Variants in MAML2 observed in about 807,000 individuals in gnomAD.
MAML2 encodes the protein mastermind like transcriptional coactivator 2.
A neutral mutation model predicts 96.1 loss-of-function variants in MAML2; 22 were observed. The observed-to-expected ratio is 0.23, with a 90% CI of 0.16 to 0.33. The LOEUF (loss-of-function observed/expected upper bound fraction) is 0.33, where lower values mean the gene tolerates loss of function less well. Ranked by LOEUF, MAML2 falls within the 10% of genes least tolerant of loss-of-function variation. The pLI is 1.00. For missense variants in MAML2, 1,367 were observed against 1,392.4 expected, an observed-to-expected ratio of 0.98 and a Z score of 0.29; for synonymous variants, 561 against 521.3, an observed-to-expected ratio of 1.08 and a Z score of -1.04.
At chr11:96,081,650 G>C (rs571802816) in intron 2 of MAML2, among the ~76,000 whole-genome samples, 6 of 152,136 alleles carry the variant, frequency 3.9e-5, no homozygotes, top group Non-Finnish European at 8.8e-5. Context: ...TTATTTTATC[G>C]GAGGGTGCTT....
chr11:96,066,672 T>C (rs1026018735), intron 2 of MAML2, among the ~76,000 whole-genome samples: 7 of 152,022 alleles, frequency 4.6e-5, no homozygotes, highest in Admixed American at 3.3e-4. Flanking sequence ...ATTAAACATT[T>C]ATTATGTGCC....
chr11:96,168,658 C>T (rs542896171), intron 1 of MAML2, among the ~76,000 whole-genome samples: 1 of 152,148 alleles, frequency 6.6e-6, no homozygotes, highest in Non-Finnish European at 1.5e-5. Flanking sequence ...GATGCCTTTC[C>T]TCATTGAGGG....
intron 1 of MAML2, among the ~76,000 whole-genome samples, chr11:96,134,929 G>A (rs1860604119): frequency 6.6e-6 from 1 of 152,184 alleles, no homozygotes; most frequent in South Asian, 2.1e-4. Context: ...TCATTAGATT[G>A]CCCAGCTATA....
intron 1 of MAML2, among the ~76,000 whole-genome samples, chr11:96,247,988 A>G (rs573038497): frequency 6.6e-6 from 1 of 152,240 alleles, no homozygotes; most frequent in Admixed American, 6.6e-5. Flanking sequence ...GTTAGTGTAA[A>G]ATGTACTGGA....
intron 1 of MAML2, among the ~76,000 whole-genome samples, chr11:96,329,447 A>T (rs938256412): frequency 6.6e-6 from 1 of 152,164 alleles, no homozygotes; most frequent in Non-Finnish European, 1.5e-5. Flanking sequence ...TGCTCCTTTC[A>T]ATTCTTCCTC....
chr11:96,025,200 A>G (rs558208261), intron 2 of MAML2, among the ~76,000 whole-genome samples: 4 of 152,348 alleles, frequency 2.6e-5, no homozygotes, highest in African/African-American at 9.6e-5. Context: ...CATACACACC[A>G]TGGAATACCC....
At chr11:96,255,672 C>T (rs374087709) in intron 1 of MAML2, among the ~76,000 whole-genome samples, 2 of 152,088 alleles carry the variant, frequency 1.3e-5, no homozygotes, top group African/African-American at 2.4e-5. Context: ...TCTTCCTCAA[C>T]GGGCCATTGT....
chr11:96,068,180 G>A (rs1859273397), intron 2 of MAML2, among the ~76,000 whole-genome samples: 1 of 152,126 alleles, frequency 6.6e-6, no homozygotes, highest in African/African-American at 2.4e-5. Context: ...CTTAGGAAAT[G>A]TCTTTTCTCA....
intron 2 of MAML2, among the ~76,000 whole-genome samples, chr11:96,053,353 G>A (rs960120740): frequency 1.3e-5 from 2 of 152,132 alleles, no homozygotes; most frequent in Non-Finnish European, 2.9e-5. Context: ...ATCCCTGACA[G>A]AAATGGAAGC....
intron 1 of MAML2, among the ~76,000 whole-genome samples, chr11:96,096,018 G>A (rs562041425): frequency 2.6e-5 from 4 of 152,294 alleles, no homozygotes; most frequent in African/African-American, 9.6e-5. Context: ...TCCTCATGGG[G>A]TCAGGAAGAA....
At chr11:96,122,311 T>G (rs1433714105) in intron 1 of MAML2, among the ~76,000 whole-genome samples, 1 of 152,050 alleles carries the variant, frequency 6.6e-6, no homozygotes, top group African/African-American at 2.4e-5. Flanking sequence ...AGATTTTTTT[T>G]TTTTCCTCTA....
chr11:96,035,361 C>A (rs1185116489), intron 2 of MAML2, among the ~76,000 whole-genome samples: 2 of 152,148 alleles, frequency 1.3e-5, no homozygotes, highest in African/African-American at 4.8e-5. Flanking sequence ...TTTAGGTATG[C>A]CCATTATTTT....
At chr11:96,025,668 C>T (rs1361992771) in intron 2 of MAML2, among the ~76,000 whole-genome samples, 3 of 152,206 alleles carry the variant, frequency 2.0e-5, no homozygotes, top group Non-Finnish European at 4.4e-5. Context: ...ATTCTCCTGC[C>T]TCAGCTTCCC....
At chr11:96,097,401 T>C (rs1859849624) in intron 1 of MAML2, among the ~76,000 whole-genome samples, 1 of 151,976 alleles carries the variant, frequency 6.6e-6, no homozygotes, top group South Asian at 2.1e-4. Context: ...CTGTGGACCT[T>C]TTGGGTGGCT....
intron 1 of MAML2, among the ~76,000 whole-genome samples, chr11:96,140,214 A>C (rs1403910257): frequency 6.6e-6 from 1 of 152,218 alleles, no homozygotes; most frequent in East Asian, 1.9e-4. Context: ...AGCCAGGACT[A>C]AAGGAAGAAA....
At chr11:95,980,629 T>G (rs992345857) in intron 4 of MAML2, among the ~76,000 whole-genome samples, 2 of 152,218 alleles carry the variant, frequency 1.3e-5, no homozygotes, top group Non-Finnish European at 2.9e-5. Flanking sequence ...CACCTTTGCT[T>G]ATGGGATTTC....
intron 1 of MAML2, among the ~76,000 whole-genome samples, chr11:96,255,395 G>A (rs878874669): frequency 2.0e-5 from 3 of 152,194 alleles, no homozygotes; most frequent in Admixed American, 2.0e-4. Context: ...AAGAGGAACT[G>A]GGAAGTTGAG....
chr11:95,977,315 AT>A lies in MAML2; in HGVS notation c.*1632del, dbSNP rs1156963360. 10 of 186,076 alleles carry A rather than the reference AT, an allele frequency of 5.4e-5. No homozygotes were observed. Among genetic ancestry groups the A allele is most frequent in the Admixed American group, 3.7e-4 (6 of 16,082 alleles). 11.5% of individuals were successfully genotyped at this position (186,076 alleles called of 1,614,324 possible). On this transcript the variant is annotated 3_prime_UTR_variant, in exon 5 of 5. Transcript: ENST00000524717. ...CAAAAGTTTACAAAACAAGTAATTT[AT>A]TTATATTTACAAACTAGCACAGGGA...
intron 1 of MAML2, among the ~76,000 whole-genome samples, chr11:96,236,358 G>A (rs759835832): frequency 9.9e-5 from 15 of 152,120 alleles, no homozygotes; most frequent in Admixed American, 2.0e-4. Context: ...AATCACCTAC[G>A]GAGCTTTAAA....
Sources: gnomAD v4.1 joint callset for allele counts (sites outside exome capture counted in the v4.1 genomes callset) on GRCh38, gnomAD v4.1.1 for gene constraint, MANE v1.5 for transcripts, NCBI Gene and HGNC (gene_info 2026-07-23, HGNC 2026-07-21) for gene names.